RORA: variants seen among roughly 807,000 people sequenced by gnomAD.
The protein encoded by RORA is nuclear receptor ROR-alpha.
A neutral mutation model predicts 69.5 loss-of-function variants in RORA; 7 were observed. That is an observed-to-expected ratio of 0.10 (90% CI 0.06 to 0.19). RORA has a LOEUF of 0.19. RORA is among the 10% of genes least tolerant of loss of function. The pLI is 1.00. For synonymous variants in RORA, 261 were observed against 240.8 expected, an observed-to-expected ratio of 1.08 and a Z score of -0.78; for missense variants, 457 against 663.0, an observed-to-expected ratio of 0.69 and a Z score of 3.41.
chr15:60,841,904 A>T (rs532124740), intron 1 of RORA, among the ~76,000 whole-genome samples: 1 of 152,214 alleles, frequency 6.6e-6, no homozygotes, highest in Non-Finnish European at 1.5e-5. Context: ...TGTGCCAAGC[A>T]GTGCCCTTGG....
intron 1 of RORA, among the ~76,000 whole-genome samples, chr15:60,858,109 C>T (rs2073399707): frequency 6.6e-6 from 1 of 152,194 alleles, no homozygotes; most frequent in Non-Finnish European, 1.5e-5. Flanking sequence ...TATTGCAGGG[C>T]CTGTTGCCCA....
chr15:60,720,586 T>C (rs1413273588), intron 1 of RORA, among the ~76,000 whole-genome samples: 1 of 152,172 alleles, frequency 6.6e-6, no homozygotes, highest in Non-Finnish European at 1.5e-5. Context: ...TTCTGGGTGC[T>C]GATGGTTCCC....
chr15:60,743,649 G>A (rs929903805), intron 1 of RORA, among the ~76,000 whole-genome samples: 26 of 152,162 alleles, frequency 1.7e-4, no homozygotes, highest in African/African-American at 6.0e-4. Context: ...GTATCCACAA[G>A]GCATGGTGAG....
In RORA at chr15:60,784,253, T is replaced by C. The variant is rs1020453833; in HGVS notation, c.167-105567A>G. 2.7e-4 allele frequency among the ~76,000 whole-genome samples: 41 copies of C among 152,230 alleles called. 2 individuals carry two copies. Among genetic ancestry groups the C allele is most frequent in the Non-Finnish European group, 5.9e-5 (4 of 68,040 alleles). ...TGGAGTTATTTTGTTGTTGTTGTTG[T>C]TCATGTTATTCCTTTGCAGTAAAAT... On this transcript the variant is annotated intron_variant, in intron 1 of 10. Coordinates refer to ENST00000335670, the MANE Select transcript of RORA (RefSeq NM_134261.3).
At chr15:61,059,994 A>AAGAG (rs2078157022) in intron 1 of RORA, among the ~76,000 whole-genome samples, 1 of 87,248 alleles carries the variant, frequency 1.1e-5, no homozygotes, top group African/African-American at 4.2e-5. Context: ...AAGAGGAAGA[A>AAGAG]GAAGAAGAAG....
chr15:60,964,609 A>C (rs1472831154), intron 1 of RORA, among the ~76,000 whole-genome samples: 2 of 151,890 alleles, frequency 1.3e-5, no homozygotes, highest in Non-Finnish European at 2.9e-5. Flanking sequence ...TAGGGAGGGC[A>C]GTGCTGCCTT....
chr15:60,658,971 T>C (rs1409056334), intron 2 of RORA, among the ~76,000 whole-genome samples: 1 of 152,164 alleles, frequency 6.6e-6, no homozygotes, highest in East Asian at 1.9e-4. Context: ...CATTGGAGTA[T>C]ATTGACCCAT....
At chr15:60,896,469 G>C (rs1891233967) in intron 1 of RORA, among the ~76,000 whole-genome samples, 1 of 152,094 alleles carries the variant, frequency 6.6e-6, no homozygotes, top group African/African-American at 2.4e-5. Context: ...TATTTCTCCT[G>C]ATACCCACAC....
intron 2 of RORA, among the ~76,000 whole-genome samples, chr15:60,665,916 CTG>C (rs2070373240): frequency 6.6e-6 from 1 of 152,174 alleles, no homozygotes. Context: ...CTCCAGTGAT[CTG>C]TGTGCCTTGG....
At chr15:60,961,742 C>T (rs559543164) in intron 1 of RORA, among the ~76,000 whole-genome samples, 29 of 152,286 alleles carry the variant, frequency 1.9e-4, no homozygotes, top group Non-Finnish European at 3.7e-4. Context: ...CACTGAGAAC[C>T]GCCAGCTCAA....
At chr15:60,863,791 T>G (rs568607762) in intron 1 of RORA, among the ~76,000 whole-genome samples, 1 of 144,524 alleles carries the variant, frequency 6.9e-6, no homozygotes, top group South Asian at 2.3e-4. Flanking sequence ...AGATTATGCA[T>G]GCCAACTGTC....
chr15:60,979,279 T>TA (rs200679918), intron 1 of RORA, among the ~76,000 whole-genome samples: 27,803 of 145,886 alleles, frequency 0.19, 3,212 homozygotes, highest in Non-Finnish European at 0.25. Flanking sequence ...TTTTTTTTTT[T>TA]TTTTTTTTTT....
chr15:60,574,368 G>C (rs1377213103), intron 2 of RORA, among the ~76,000 whole-genome samples: 1 of 152,222 alleles, frequency 6.6e-6, no homozygotes, highest in Non-Finnish European at 1.5e-5. Context: ...AAATAGCAGG[G>C]CTTGGAAAAT....
At position 60,897,199 on chromosome 15, in the gene RORA, C is replaced by T. The variant is rs118152517; in HGVS notation, c.167-218513G>A. 9.4e-3 allele frequency among the ~76,000 whole-genome samples: 1,428 copies of T among 152,258 alleles called. 12 individuals carry two copies. The highest frequency in any genetic ancestry group is 0.015 in the Non-Finnish European group (1,003 of 68,026). ...AAAGCCCTAGAAGGGGCTAGGAGGG[C>T]CATCTTCTGCCACTTCACTCATCTG... On this transcript the variant is annotated intron_variant, in intron 1 of 10. Coordinates refer to ENST00000335670, the MANE Select transcript of RORA (RefSeq NM_134261.3).
intron 2 of RORA, among the ~76,000 whole-genome samples, chr15:60,632,311 G>A (rs1055551880): frequency 5.3e-5 from 8 of 151,936 alleles, no homozygotes; most frequent in African/African-American, 1.9e-4. Context: ...GTTTCACCGT[G>A]TTAGCCAGGA....
intron 1 of RORA, among the ~76,000 whole-genome samples, chr15:60,910,373 T>C (rs571072846): frequency 6.6e-6 from 1 of 152,366 alleles, no homozygotes; most frequent in Admixed American, 6.5e-5. Flanking sequence ...CCCAGGCAAG[T>C]CACTTAGCCA....
At chr15:60,840,437 C>A (rs1304054820) in intron 1 of RORA, among the ~76,000 whole-genome samples, 1 of 152,238 alleles carries the variant, frequency 6.6e-6, no homozygotes, top group African/African-American at 2.4e-5. Flanking sequence ...TGAAGCCAGG[C>A]CTTTTGCCCT....
intron 7 of RORA, 63 bp from the exon 8 acceptor site, chr15:60,502,930 A>C: frequency 9.3e-7 from 1 of 1,078,948 alleles, no homozygotes. Flanking sequence ...GTTTGTTTCT[A>C]AGCTGCTCAT....
intron 1 of RORA, among the ~76,000 whole-genome samples, chr15:61,049,445 A>G (rs948860079): frequency 1.3e-5 from 2 of 152,198 alleles, no homozygotes; most frequent in Admixed American, 1.3e-4. Context: ...AACGAAAATA[A>G]TAATACTATA....
Sources: allele counts gnomAD v4.1 joint callset (sites outside exome capture counted in the v4.1 genomes callset), GRCh38; gene constraint gnomAD v4.1.1; transcripts MANE v1.5; gene names NCBI Gene and HGNC (gene_info 2026-07-23, HGNC 2026-07-21).